PRSS58: variants seen among roughly 807,000 people sequenced by gnomAD.
The protein encoded by PRSS58 is serine protease 58, also known as protease, serine 58.
PRSS58 carries 31 observed loss-of-function variants against 25.0 expected under a neutral mutation model. The observed-to-expected ratio is 1.24, with a 90% CI of 0.93 to 1.67. PRSS58 has a LOEUF of 1.67. Among genes scored for constraint, PRSS58 ranks in the 40% most tolerant of loss-of-function variants. The pLI, the probability that PRSS58 is intolerant of heterozygous loss-of-function variation, is 0.00. For synonymous variants in PRSS58, 119 were observed against 106.1 expected, an observed-to-expected ratio of 1.12 and a Z score of -0.75; for missense variants, 324 against 287.9, an observed-to-expected ratio of 1.13 and a Z score of -0.91.
At chr7:142,253,723 G>T (rs1055502582) in intron 4 of PRSS58, among the ~76,000 whole-genome samples, 1 of 151,858 alleles carries the variant, frequency 6.6e-6, no homozygotes, top group African/African-American at 2.4e-5. Context: ...ATTTCTTTTG[G>T]GAATACTTCT....
chr7:142,257,883 G>A (rs147180968), intron 1 of PRSS58, 108 bp downstream of exon 1: 128 of 612,716 alleles, frequency 2.1e-4, no homozygotes, highest in African/African-American at 1.5e-3. Flanking sequence ...AGAGTGTAGC[G>A]TCATCTGTCA....
chr7:142,255,748 A>G, intron 2 of PRSS58, 75 bp from the exon 3 acceptor site: 3 of 1,361,676 alleles, frequency 2.2e-6, no homozygotes, highest in Non-Finnish European at 3.0e-6. Flanking sequence ...AAAGTCATTT[A>G]ATAGGCTCCA....
chr7:142,252,798 A>G (rs6964443), intron 4 of PRSS58, among the ~76,000 whole-genome samples, 187 bp from the exon 5 acceptor site: 35,945 of 152,220 alleles, frequency 0.24, 5,218 homozygotes, highest in East Asian at 0.65. Flanking sequence ...TTATGATGCA[A>G]AATCGGTGAC....
At chr7:142,256,829 G>A (rs1405556725) in intron 2 of PRSS58, among the ~76,000 whole-genome samples, 1 of 152,108 alleles carries the variant, frequency 6.6e-6, no homozygotes, top group African/African-American at 2.4e-5. Context: ...ATGAAAACGG[G>A]GGAAGTTGCT....
chr7:142,253,734 G>T (rs1290677045), intron 4 of PRSS58, among the ~76,000 whole-genome samples: 1 of 152,118 alleles, frequency 6.6e-6, no homozygotes, highest in Non-Finnish European at 1.5e-5. Context: ...GAATACTTCT[G>T]TAGGAAATGC....
At chr7:142,252,398 CA>C (rs1798483148) in intron 5 of PRSS58, 28 bp from the exon 6 acceptor site, 1 of 1,609,012 alleles carries the variant, frequency 6.2e-7, no homozygotes, top group African/African-American at 1.3e-5. Flanking sequence ...ATAACAACAA[CA>C]AAAAAGCAGA....
At position 142,252,306 on chromosome 7, in the gene PRSS58, C is replaced by T; in HGVS notation, c.641G>A (p.Gly214Glu). The T allele has an allele frequency of 6.2e-7, 1 of 1,614,146 alleles. No homozygotes were observed. The highest frequency in any genetic ancestry group is 8.5e-7 in the Non-Finnish European group (1 of 1,180,006). Residue 214 changes from glycine to glutamate, a missense_variant, in exon 6 of 6, where the codon GGA becomes GAA. Transcript: ENST00000547058. The part of the protein sequence containing the change: ...MLQGILSFAD[G>E]CVLRADVGIY... The stretch of plus-strand genomic sequence containing the variant: ...GCCAACATCAGCTCTCAAAACACAT[C>T]CATCCGCAAAAGACAGGATTCCTTG...
chr7:142,255,289 C>T lies in PRSS58; in HGVS notation c.202G>A (p.Val68Ile). The change falls in exon 4 of 6, where the codon GTT becomes ATT. Residue 68 changes from valine to isoleucine, a missense_variant. Physicochemically the swap from Val to Ile is conservative, Grantham distance 29. Coordinates refer to ENST00000547058, the MANE Select transcript of PRSS58 (RefSeq NM_001001317.5). ...NLPKLRVILG[V>I]TIPADSNEKH... ...TCATTAGAGTCTGCTGGGATTGTAA[C>T]CCCCAATATCACCCGAAGCTTTCTG... is the stretch of plus-strand genomic sequence containing the variant. 1 of 1,613,740 alleles carries T rather than the reference C, an allele frequency of 6.2e-7. No homozygotes were observed. The highest frequency in any genetic ancestry group is 8.5e-7 in the Non-Finnish European group (1 of 1,179,750).
At chr7:142,253,238 T>C (rs1798498915) in intron 4 of PRSS58, among the ~76,000 whole-genome samples, 1 of 152,202 alleles carries the variant, frequency 6.6e-6, no homozygotes, top group Non-Finnish European at 1.5e-5. Context: ...TCTTTTGAGA[T>C]GTAATTTTTA....
At chr7:142,256,778 G>C (rs1293597563) in intron 2 of PRSS58, among the ~76,000 whole-genome samples, 2 of 152,116 alleles carry the variant, frequency 1.3e-5, no homozygotes, top group Non-Finnish European at 2.9e-5. Context: ...TATTAAACCA[G>C]TCATCAGAGT....
chr7:142,257,918 A>G, intron 1 of PRSS58, 73 bp downstream of exon 1: 1 of 569,574 alleles, frequency 1.8e-6, no homozygotes, highest in Non-Finnish European at 3.1e-6. Context: ...GAGTCAAGTG[A>G]TTGGTCCCCA....
chr7:142,257,761 A>G lies in PRSS58; in HGVS notation c.-41-13T>C. 7.1e-7 allele frequency: 1 copy of G among 1,416,770 alleles called. No individual in the cohort carries two copies. 87.8% of individuals were successfully genotyped at this position (1,416,770 alleles called of 1,614,324 possible). ...AGTCTCTGGAAAACTGGGAAGAGAG[A>G]GAGAAAACAACTAAATAAAACAAAG... On this transcript the variant is annotated splice_polypyrimidine_tract_variant and intron_variant, in intron 1 of 5. Transcript: ENST00000547058.
At chr7:142,254,983 T>TGAA in intron 4 of PRSS58, 72 bp downstream of exon 4, 2 of 1,460,594 alleles carry the variant, frequency 1.4e-6, no homozygotes, top group South Asian at 2.4e-5. Flanking sequence ...TAGGCCGAAT[T>TGAA]GAAGAAGCCA....
intron 2 of PRSS58, among the ~76,000 whole-genome samples, chr7:142,256,437 G>C (rs879401): frequency 0.22 from 33,793 of 151,906 alleles, 4,609 homozygotes; most frequent in East Asian, 0.51. Context: ...TTGTGTGTTG[G>C]GGGAGAAGGA....
Position 142,252,384 on chromosome 7 carries a change from A to C in PRSS58, c.577-14T>G, listed in dbSNP as rs1563316383. 1 of 1,611,164 alleles carries C rather than the reference A, an allele frequency of 6.2e-7. No individual in the cohort carries two copies. The highest frequency in any genetic ancestry group is 8.5e-7 in the Non-Finnish European group (1 of 1,179,268). On this transcript the variant is annotated splice_polypyrimidine_tract_variant and intron_variant, in intron 5 of 5. Coordinates refer to ENST00000547058, the MANE Select transcript of PRSS58 (RefSeq NM_001001317.5). ...AGCAGAAACTTCCTGCCAGGAAAAC[A>C]ATAATAACAACAACAAAAAAGCAGA...
chr7:142,253,063 T>A (rs1158275033), intron 4 of PRSS58, among the ~76,000 whole-genome samples: 1 of 152,140 alleles, frequency 6.6e-6, no homozygotes, highest in East Asian at 1.9e-4. Context: ...GATGAGTGCC[T>A]GTAATGCCAG....
In PRSS58 at chr7:142,257,662, A is replaced by G; in HGVS notation, c.40+6T>C. ...TGGGTAAAGAGACAAATATGCACAC[A>G]CTCACCAGTCAGATTCAAGAGAGCC... On this transcript the variant is annotated splice_donor_region_variant and intron_variant, in intron 2 of 5. Coordinates refer to ENST00000547058, the MANE Select transcript of PRSS58 (RefSeq NM_001001317.5). 3 of 1,611,306 alleles carry G rather than the reference A, an allele frequency of 1.9e-6. No individual in the cohort carries two copies. The highest frequency in any genetic ancestry group is 1.7e-5 in the Admixed American group (1 of 59,974).
rs1798488258 is a variant in PRSS58, at chr7:142,252,625, A to G, written c.437-14T>C. ...CGGGCTCTTTGTCTAAAGAAAAGAT[A>G]GAAGTCAAACTTCCTTAAGAGTTTT... On this transcript the variant is annotated splice_polypyrimidine_tract_variant and intron_variant, in intron 4 of 5. Transcript: ENST00000547058. 1.3e-6 allele frequency: 2 copies of G among 1,599,138 alleles called. No individual in the cohort carries two copies. The highest frequency in any genetic ancestry group is 1.4e-5 in the African/African-American group (1 of 73,986).
intron 4 of PRSS58, 144 bp downstream of exon 4, chr7:142,254,911 C>A: frequency 1.3e-6 from 1 of 748,528 alleles, no homozygotes; most frequent in Non-Finnish European, 2.2e-6. Context: ...AACCTTGAAG[C>A]ACTCCTTCAG....
Sources: allele counts gnomAD v4.1 joint callset (sites outside exome capture counted in the v4.1 genomes callset), GRCh38; gene constraint gnomAD v4.1.1; transcripts MANE v1.5; gene names NCBI Gene and HGNC (gene_info 2026-07-23, HGNC 2026-07-21).